KCNH5: variants seen among roughly 807,000 people sequenced by gnomAD.
The protein encoded by KCNH5 is voltage-gated delayed rectifier potassium channel KCNH5.
A neutral mutation model predicts 96.1 loss-of-function variants in KCNH5; 46 were observed. The observed-to-expected ratio is 0.48, with a 90% confidence interval of 0.38 to 0.61. KCNH5 has a LOEUF of 0.61. KCNH5 is among the 20% of genes least tolerant of loss of function. KCNH5 has a pLI of 0.00. For missense variants in KCNH5, 907 were observed against 1,225.8 expected (o/e 0.74, Z 3.88); for synonymous variants, 439 against 449.8 (o/e 0.98, Z 0.30).
At chr14:62,916,520 A>G (rs1159297103) in intron 7 of KCNH5, among the ~76,000 whole-genome samples, 2 of 152,230 alleles carry the variant, frequency 1.3e-5, no homozygotes, top group Non-Finnish European at 2.9e-5. Context: ...CCCTGGTTCA[A>G]TGAAGCCTTT....
intron 6 of KCNH5, among the ~76,000 whole-genome samples, chr14:62,976,431 C>T (rs1393711308): frequency 6.7e-6 from 1 of 149,892 alleles, no homozygotes; most frequent in African/African-American, 2.5e-5. Flanking sequence ...AATTACAGGA[C>T]TGGTCTCATA....
At chr14:62,872,684 C>T (rs756332880) in intron 7 of KCNH5, among the ~76,000 whole-genome samples, 3 of 152,040 alleles carry the variant, frequency 2.0e-5, no homozygotes, top group Non-Finnish European at 4.4e-5. Context: ...CAGAGCAAGA[C>T]TCCATCTTAA....
Position 62,859,804 on chromosome 14 carries a change from T to C in KCNH5, c.1370-9952A>G, listed in dbSNP as rs957704956. ...GCTGCAGCTGTCCACTTTCGGGTGA[T>C]ACCTGCATACCATGCAGAACCATCT... On this transcript the variant is annotated intron_variant, in intron 7 of 10. Transcript: ENST00000322893. Among the ~76,000 whole-genome samples the C allele has an allele frequency of 2.0e-5, 3 of 152,174 alleles. No individual in the cohort carries two copies. In the South Asian group the frequency reaches 6.2e-4, roughly 32 times the overall value.
At chr14:62,838,764 C>T (rs186824991) in intron 8 of KCNH5, among the ~76,000 whole-genome samples, 16 of 152,198 alleles carry the variant, frequency 1.1e-4, no homozygotes, top group Admixed American at 7.2e-4. Flanking sequence ...CGTCATTTAA[C>T]CTCTTACAGC....
At position 63,016,968 on chromosome 14, in the gene KCNH5, G is replaced by T. The variant is rs1173972972; in HGVS notation, c.74-14C>A. ...AGAAACTTGATTCTGAAGAAGAAAGGAGAAAAAAGGAGGTTATTTAGCTTA... is the reference window on the plus strand; with the variant it reads ...AGAAACTTGATTCTGAAGAAGAAAGTAGAAAAAAGGAGGTTATTTAGCTTA... On this transcript the variant is annotated splice_polypyrimidine_tract_variant and intron_variant, in intron 1 of 10. Transcript: ENST00000322893. 2 of 1,586,278 alleles carry T rather than the reference G, an allele frequency of 1.3e-6. No individual in the cohort carries two copies. Among genetic ancestry groups the T allele is most frequent in the South Asian group, 2.3e-5 (2 of 85,120 alleles).
intron 6 of KCNH5, among the ~76,000 whole-genome samples, chr14:62,970,044 T>TCAA (rs535103059): frequency 1.4e-3 from 42 of 30,418 alleles, no homozygotes; most frequent in African/African-American, 4.7e-3. Context: ...AGACTCCGTC[T>TCAA]AAAAAAAAAA....
At chr14:62,893,036 A>G (rs10134735) in intron 7 of KCNH5, among the ~76,000 whole-genome samples, 13,550 of 152,238 alleles carry the variant, frequency 0.089, 648 homozygotes, top group Non-Finnish European at 0.11. Flanking sequence ...ATTATTTAAG[A>G]TAATATATTT....
intron 10 of KCNH5, among the ~76,000 whole-genome samples, chr14:62,775,792 T>G (rs1886082875): frequency 6.6e-6 from 1 of 152,226 alleles, no homozygotes; most frequent in Admixed American, 6.5e-5. Context: ...TTAAGGCCCC[T>G]GGGCAGTCAC....
chr14:62,900,398 AT>A (rs1236273926), intron 7 of KCNH5, among the ~76,000 whole-genome samples: 2 of 152,246 alleles, frequency 1.3e-5, no homozygotes, highest in Non-Finnish European at 2.9e-5. Context: ...TTTTATGTGT[AT>A]GCACAAGAAG....
At chr14:62,777,490 C>A (rs544328736) in intron 10 of KCNH5, among the ~76,000 whole-genome samples, 8 of 152,228 alleles carry the variant, frequency 5.3e-5, no homozygotes, top group Non-Finnish European at 1.0e-4. Flanking sequence ...AGTATTACTA[C>A]CCATTAGATA....
intron 7 of KCNH5, among the ~76,000 whole-genome samples, chr14:62,927,609 T>C (rs1352430759): frequency 6.6e-6 from 1 of 152,136 alleles, no homozygotes; most frequent in Non-Finnish European, 1.5e-5. Context: ...GAGGACACTA[T>C]GCTAAGTGAA....
chr14:62,846,628 C>T (rs1453787724), intron 8 of KCNH5, among the ~76,000 whole-genome samples: 3 of 151,474 alleles, frequency 2.0e-5, no homozygotes, highest in Non-Finnish European at 4.4e-5. Context: ...AGTAGTATGT[C>T]AATTCCATCT....
intron 6 of KCNH5, among the ~76,000 whole-genome samples, chr14:62,960,852 A>G (rs1252128123): frequency 6.6e-6 from 1 of 152,198 alleles, no homozygotes; most frequent in African/African-American, 2.4e-5. Context: ...TCTGAATTTA[A>G]ATAACTTGTG....
In KCNH5 at chr14:62,810,497, T is replaced by C. The variant is rs150441558; in HGVS notation, c.1570-7916A>G. ...AGCCATTCTAAGCCACAGGATAAGA[T>C]AAGAGGTTGGCACAAGATACAGGTC... On this transcript the variant is annotated intron_variant, in intron 8 of 10. Transcript: ENST00000322893. Among the ~76,000 whole-genome samples, 790 of 152,152 alleles carry C rather than the reference T, an allele frequency of 5.2e-3. 3 individuals carry two copies. Among genetic ancestry groups the C allele is most frequent in the South Asian group, 0.012 (56 of 4,822 alleles).
At chr14:63,037,809 C>T (rs1399863944) in intron 1 of KCNH5, among the ~76,000 whole-genome samples, 1 of 152,178 alleles carries the variant, frequency 6.6e-6, no homozygotes, top group African/African-American at 2.4e-5. Context: ...GCAAAACTCA[C>T]TCAGAAGGTA....
intron 7 of KCNH5, 175 bp downstream of exon 7, chr14:62,949,958 A>G (rs1889967749): frequency 1.7e-6 from 1 of 600,012 alleles, no homozygotes; most frequent in African/African-American, 1.9e-5. Context: ...CCTGAAGAGT[A>G]AAATATATTA....
At chr14:62,738,900 A>G (rs1566644722) in intron 10 of KCNH5, among the ~76,000 whole-genome samples, 1 of 152,136 alleles carries the variant, frequency 6.6e-6, no homozygotes, top group Non-Finnish European at 1.5e-5. Flanking sequence ...GCAAAAGATG[A>G]ATTCTGAATG....
At chr14:62,756,363 G>A (rs1454417746) in intron 10 of KCNH5, among the ~76,000 whole-genome samples, 1 of 152,004 alleles carries the variant, frequency 6.6e-6, no homozygotes, top group African/African-American at 2.4e-5. Flanking sequence ...TTGTTAAAAT[G>A]TCCATACTAC....
At position 62,980,739 on chromosome 14, in the gene KCNH5, T is replaced by G. The variant is rs564717200; in HGVS notation, c.942+133A>C. Reference sequence around the variant, plus strand: ...ATTTAAGGTAATCAAATATAATAACTTTTGGCAAGGGTTTCAAGAAAGTTG... The same window carrying G: ...ATTTAAGGTAATCAAATATAATAACGTTTGGCAAGGGTTTCAAGAAAGTTG... On this transcript the variant is annotated intron_variant, in intron 6 of 10. Transcript: ENST00000322893. 1.6e-5 allele frequency: 14 copies of G among 880,312 alleles called. No individual in the cohort carries two copies. The East Asian group carries it at 3.8e-4, about 24-fold the overall frequency. 54.5% of individuals were successfully genotyped at this position (880,312 alleles called of 1,614,324 possible). A position where few individuals can be genotyped will look rare whatever the true frequency, so the allele number is the denominator to read the frequency against.
Sources: gnomAD v4.1 joint callset for allele counts (sites outside exome capture counted in the v4.1 genomes callset) on GRCh38, gnomAD v4.1.1 for gene constraint, MANE v1.5 for transcripts, NCBI Gene and HGNC (gene_info 2026-07-23, HGNC 2026-07-21) for gene names.